Variants in VPS13B observed in about 807,000 individuals in gnomAD.
The protein encoded by VPS13B is intermembrane lipid transfer protein VPS13B.
In VPS13B, 285 loss-of-function variants were observed where a neutral mutation model predicts 426.4. That is an observed-to-expected ratio of 0.67 (90% CI 0.61 to 0.74). VPS13B has a LOEUF of 0.74. VPS13B is among the 30% of genes least tolerant of loss of function. The pLI is 0.00. For missense variants in VPS13B, 4,537 were observed against 4,782.6 expected, an observed-to-expected ratio of 0.95 and a Z score of 1.51; for synonymous variants, 1,676 against 1,676.4, an observed-to-expected ratio of 1.00 and a Z score of 0.01.
At chr8:99,470,126 T>C (rs1342179732) in intron 24 of VPS13B, among the ~76,000 whole-genome samples, 1 of 152,210 alleles carries the variant, frequency 6.6e-6, no homozygotes, top group Non-Finnish European at 1.5e-5. Flanking sequence ...TTATGGCGGC[T>C]CTGCCTGATA....
rs541724560 is a variant in VPS13B at position 99,308,632 on chromosome 8, A to G, written c.2824+33378A>G. Among the ~76,000 whole-genome samples, 12 of 152,278 alleles carry G rather than the reference A, an allele frequency of 7.9e-5. No individual in the cohort carries two copies. The East Asian group carries it at 2.1e-3, about 27-fold the overall frequency. Reference sequence around the variant, plus strand: ...CTTTGCTATTGTGAATAGTGCCGCAATAAACATACGTGTGCATGTGTCTTT... The same window carrying G: ...CTTTGCTATTGTGAATAGTGCCGCAGTAAACATACGTGTGCATGTGTCTTT... On this transcript the variant is annotated intron_variant, in intron 19 of 61. Coordinates refer to ENST00000357162, the MANE Select transcript of VPS13B (RefSeq NM_152564.5).
At chr8:99,874,143 G>A (rs1214518397) in intron 61 of VPS13B, among the ~76,000 whole-genome samples, 2 of 152,218 alleles carry the variant, frequency 1.3e-5, no homozygotes, top group Non-Finnish European at 2.9e-5. Flanking sequence ...GGCTCAAAAT[G>A]AGTCAGAAGG....
intron 39 of VPS13B, among the ~76,000 whole-genome samples, chr8:99,724,440 G>A (rs940924768): frequency 2.0e-5 from 3 of 152,074 alleles, no homozygotes; most frequent in Non-Finnish European, 4.4e-5. Flanking sequence ...TGAAAGGAAG[G>A]CCCTAATCAA....
At chr8:99,458,357 G>A (rs1483407476) in intron 23 of VPS13B, among the ~76,000 whole-genome samples, 1 of 149,364 alleles carries the variant, frequency 6.7e-6, no homozygotes, top group Non-Finnish European at 1.5e-5. Context: ...TTGCTATTGC[G>A]AATAGTGCCG....
chr8:99,211,855 CTT>C (rs1191352266), intron 17 of VPS13B, among the ~76,000 whole-genome samples: 1 of 152,078 alleles, frequency 6.6e-6, no homozygotes, highest in African/African-American at 2.4e-5. Context: ...TTGGAGAACT[CTT>C]TTGCCAATCA....
chr8:99,843,469 A>C (rs1405916090), intron 54 of VPS13B, among the ~76,000 whole-genome samples: 1 of 152,140 alleles, frequency 6.6e-6, no homozygotes, highest in African/African-American at 2.4e-5. Context: ...GAAGTCTAGC[A>C]CTTCTAAGCG....
intron 17 of VPS13B, among the ~76,000 whole-genome samples, chr8:99,203,006 G>GCCA (rs1320590375): frequency 2.7e-5 from 4 of 149,766 alleles, no homozygotes; most frequent in Admixed American, 1.3e-4. Context: ...CCGAGATCAC[G>GCCA]CCACTGCACT....
chr8:99,378,142 C>T (rs1193134541), intron 19 of VPS13B, among the ~76,000 whole-genome samples: 1 of 139,260 alleles, frequency 7.2e-6, no homozygotes, highest in African/African-American at 2.7e-5. Flanking sequence ...GAGCCCCCCC[C>T]CCCCGGAATG....
At chr8:99,321,114 A>G (rs1437332294) in intron 19 of VPS13B, among the ~76,000 whole-genome samples, 1 of 152,110 alleles carries the variant, frequency 6.6e-6, no homozygotes, top group Non-Finnish European at 1.5e-5. Context: ...TTACTAAAAA[A>G]CTATCAGGTT....
Position 99,853,588 on chromosome 8 carries a change from C to G in VPS13B, c.10199C>G (p.Pro3400Arg), listed in dbSNP as rs368041601. 8 of 1,614,134 alleles carry G rather than the reference C, an allele frequency of 5.0e-6. No homozygotes were observed. The Admixed American group carries it at 8.3e-5, about 17-fold the overall frequency. Residue 3400 changes from proline (P) to arginine (R), a missense_variant, in exon 56 of 62, where the codon CCG becomes CGG. By Grantham distance (103) the Pro-to-Arg change is moderately radical. This residue lies in a region of VPS13B where 4,311 missense variants were observed against 4,474.3 expected (regional missense o/e 0.96). Coordinates refer to ENST00000357162, the MANE Select transcript of VPS13B (RefSeq NM_152564.5). ...TLDNIFLCVA[P>R]GAGPLPGEEP... ...GACAACATTTTTCTCTGTGTGGCCC[C>G]GGGAGCTGGTCCCCTCCCTGGGGAA...
chr8:99,590,615 A>C (rs914812103), intron 33 of VPS13B, among the ~76,000 whole-genome samples: 5 of 152,058 alleles, frequency 3.3e-5, no homozygotes, highest in African/African-American at 1.2e-4. Flanking sequence ...TTCAGGAGCA[A>C]GTTGTTCAGT....
intron 33 of VPS13B, among the ~76,000 whole-genome samples, chr8:99,584,403 C>A (rs907493147): frequency 6.6e-6 from 1 of 152,140 alleles, no homozygotes; most frequent in African/African-American, 2.4e-5. Flanking sequence ...CTATAGATTT[C>A]TTTGCCAGAA....
At chr8:99,654,038 A>G (rs1207723969) in intron 34 of VPS13B, among the ~76,000 whole-genome samples, 1 of 150,758 alleles carries the variant, frequency 6.6e-6, no homozygotes, top group Non-Finnish European at 1.5e-5. Flanking sequence ...GATGATTATT[A>G]TTATTATTAT....
At chr8:99,831,325 C>A (rs1815046885) in intron 51 of VPS13B, among the ~76,000 whole-genome samples, 1 of 152,064 alleles carries the variant, frequency 6.6e-6, no homozygotes, top group Non-Finnish European at 1.5e-5. Flanking sequence ...CCTGCCTCAG[C>A]CTCCCAAATT....
intron 40 of VPS13B, among the ~76,000 whole-genome samples, chr8:99,774,012 T>G (rs1811630897): frequency 6.6e-6 from 1 of 152,184 alleles, no homozygotes; most frequent in Non-Finnish European, 1.5e-5. Context: ...TATTTATGAC[T>G]ATTTAGTCCT....
rs557994219 is a variant in VPS13B at position 99,607,498 on chromosome 8, A to G, written c.5220+29865A>G. 4.6e-5 allele frequency among the ~76,000 whole-genome samples: 7 copies of G among 152,322 alleles called. No homozygotes were observed. In the South Asian group the frequency reaches 1.4e-3, roughly 32 times the overall value. On this transcript the variant is annotated intron_variant, in intron 33 of 61. Transcript: ENST00000357162. The stretch of plus-strand genomic sequence containing the variant: ...GTATTTCCCTCACTCCCATTACCCT[A>G]TGATTCTTTTCAGTTAAGTGTCTTT...
intron 25 of VPS13B, among the ~76,000 whole-genome samples, chr8:99,499,084 A>G (rs1343294252): frequency 6.6e-6 from 1 of 152,158 alleles, no homozygotes; most frequent in African/African-American, 2.4e-5. Flanking sequence ...ACCTAGGAAA[A>G]TAAACTTAGC....
At chr8:99,685,121 A>G (rs770284997) in intron 35 of VPS13B, among the ~76,000 whole-genome samples, 10 of 152,220 alleles carry the variant, frequency 6.6e-5, no homozygotes, top group Admixed American at 1.3e-4. Flanking sequence ...TTTTTAAGAT[A>G]TATTAGATAT....
chr8:99,152,690 A>G (rs1811135442), intron 14 of VPS13B, among the ~76,000 whole-genome samples: 2 of 152,104 alleles, frequency 1.3e-5, no homozygotes, highest in Admixed American at 6.5e-5. Flanking sequence ...CATCCATGTT[A>G]GGGACTGTTA....
Sources: gnomAD v4.1 joint callset for allele counts (sites outside exome capture counted in the v4.1 genomes callset) on GRCh38, gnomAD v4.1.1 for gene constraint, gnomAD v4.1.1 regional missense constraint, MANE v1.5 for transcripts, NCBI Gene and HGNC (gene_info 2026-07-23, HGNC 2026-07-21) for gene names.